ARHGAP10: variants seen among roughly 807,000 people sequenced by gnomAD.
ARHGAP10 encodes Rho GTPase activating protein 10.
Under a neutral mutation model 108.6 loss-of-function variants are expected in ARHGAP10, and 87 were observed. The observed-to-expected ratio is 0.80, with a 90% CI of 0.67 to 0.96. ARHGAP10 has a LOEUF of 0.96. ARHGAP10 is among the 40% of genes least tolerant of loss of function. ARHGAP10 has a pLI of 0.00. For missense variants in ARHGAP10, 939 were observed against 954.5 expected (o/e 0.98, Z 0.21); for synonymous variants, 347 against 341.1 (o/e 1.02, Z -0.19).
At chr4:147,912,835 G>A (rs943478598) in intron 12 of ARHGAP10, among the ~76,000 whole-genome samples, 2 of 151,456 alleles carry the variant, frequency 1.3e-5, no homozygotes, top group Admixed American at 1.3e-4. Context: ...TTCAGTAGAG[G>A]TGGGGCCTCA....
At chr4:147,884,557 C>T (rs1735463243) in intron 10 of ARHGAP10, among the ~76,000 whole-genome samples, 1 of 152,168 alleles carries the variant, frequency 6.6e-6, no homozygotes, top group African/African-American at 2.4e-5. Context: ...AATTTACTTC[C>T]ATTGAGGCTC....
At chr4:147,856,794 C>T (rs1037795851) in intron 4 of ARHGAP10, among the ~76,000 whole-genome samples, 1 of 152,150 alleles carries the variant, frequency 6.6e-6, no homozygotes, top group Admixed American at 6.5e-5. Flanking sequence ...GAAGATCTTT[C>T]CCAAGATGTT....
intron 10 of ARHGAP10, among the ~76,000 whole-genome samples, chr4:147,889,468 T>A (rs945066382): frequency 3.9e-5 from 6 of 151,998 alleles, no homozygotes; most frequent in African/African-American, 1.5e-4. Context: ...CCCGGCTAAT[T>A]TTTGTATTTT....
intron 18 of ARHGAP10, among the ~76,000 whole-genome samples, chr4:148,015,781 G>A (rs1456124645): frequency 6.6e-6 from 1 of 152,206 alleles, no homozygotes; most frequent in Non-Finnish European, 1.5e-5. Flanking sequence ...GCTCAAAGTT[G>A]TATTTGGCCA....
At chr4:148,043,752 A>ATATGTGTATATGTATATATATG (rs1380143837) in intron 19 of ARHGAP10, among the ~76,000 whole-genome samples, 1 of 142,670 alleles carries the variant, frequency 7.0e-6, no homozygotes, top group African/African-American at 2.7e-5. Context: ...ATATGTATAT[A>ATATGTGTATATGTATATATATG]TGTATATATA....
At chr4:147,935,035 A>G (rs1356052482) in intron 13 of ARHGAP10, among the ~76,000 whole-genome samples, 1 of 152,210 alleles carries the variant, frequency 6.6e-6, no homozygotes, top group Non-Finnish European at 1.5e-5. Context: ...ATGAATAAAT[A>G]TATGACAGTT....
At chr4:147,845,426 A>G (rs2126815399) in intron 3 of ARHGAP10, among the ~76,000 whole-genome samples, 1 of 152,332 alleles carries the variant, frequency 6.6e-6, no homozygotes, top group South Asian at 2.1e-4. Flanking sequence ...CTGGCATTGC[A>G]TGCTTAACAG....
intron 18 of ARHGAP10, among the ~76,000 whole-genome samples, chr4:147,970,063 C>T (rs576462208): frequency 3.9e-5 from 6 of 152,060 alleles, no homozygotes; most frequent in South Asian, 2.1e-4. Flanking sequence ...CCCATTACCT[C>T]GCCTTGTCTC....
chr4:147,804,942 AG>A, intron 1 of ARHGAP10, among the ~76,000 whole-genome samples: 1 of 152,168 alleles, frequency 6.6e-6, no homozygotes, highest in Non-Finnish European at 1.5e-5. Context: ...CTCTGTTGAT[AG>A]TTTCTTTTTG....
At chr4:148,049,320 A>G (rs34957409) in intron 20 of ARHGAP10, among the ~76,000 whole-genome samples, 23,645 of 152,098 alleles carry the variant, frequency 0.16, 1,962 homozygotes, top group South Asian at 0.22. Context: ...CTTGATATGG[A>G]AGACCATCCC....
chr4:147,936,537 G>C (rs1267882091), intron 13 of ARHGAP10, among the ~76,000 whole-genome samples: 1 of 151,564 alleles, frequency 6.6e-6, no homozygotes, highest in African/African-American at 2.4e-5. Flanking sequence ...CACCTTGTTA[G>C]CCAGGATGGT....
At chr4:147,923,463 AT>A (rs1289259463) in intron 13 of ARHGAP10, among the ~76,000 whole-genome samples, 3 of 152,248 alleles carry the variant, frequency 2.0e-5, no homozygotes, top group Non-Finnish European at 4.4e-5. Context: ...TTAAAACTAA[AT>A]TTGGATGCCA....
rs371005513 is a variant in ARHGAP10 at position 147,965,127 on chromosome 4, A to G, written c.1554A>G (p.Thr518=). The G allele has an allele frequency of 7.5e-6, 12 of 1,595,718 alleles. No individual in the cohort carries two copies. The highest frequency in any genetic ancestry group is 9.4e-6 in the Non-Finnish European group (11 of 1,169,778). Residue 518 remains threonine (T), a splice_region_variant and synonymous_variant, in exon 17 of 23, where the codon ACA becomes ACG. Coordinates refer to ENST00000336498, the MANE Select transcript of ARHGAP10 (RefSeq NM_024605.4). ...EMLDILVKHL[T]NVSNHSKQNL... is the part of the protein sequence containing the mutation. ...TGGATATTTTGGTGAAACACTTAAC[A>G]AAGTAAGCCTCTTTTTCTTCGTTTT...
intron 8 of ARHGAP10, 63 bp downstream of exon 8, chr4:147,875,213 C>T: frequency 1.4e-6 from 2 of 1,462,772 alleles, no homozygotes; most frequent in East Asian, 2.5e-5. Context: ...GAAAACTCTG[C>T]TATTCTTGCC....
rs978513102 is a variant in ARHGAP10, at chr4:147,743,159, G to A, written c.154+10704G>A. On this transcript the variant is annotated intron_variant, in intron 1 of 22. Transcript: ENST00000336498. ...AGCGATTCTCCTGCCTCAACCTCCC[G>A]AGTAGCTGGGATTACAGGCGTGCAC... is the stretch of plus-strand genomic sequence containing the variant. Among the ~76,000 whole-genome samples the A allele has an allele frequency of 4.0e-5, 6 of 151,176 alleles. No homozygotes were observed. The South Asian group carries it at 6.3e-4, about 16-fold the overall frequency.
At chr4:147,855,221 A>G (rs13434396) in intron 4 of ARHGAP10, among the ~76,000 whole-genome samples, 19,660 of 152,198 alleles carry the variant, frequency 0.13, 1,347 homozygotes, top group African/African-American at 0.19. Context: ...TGACCTTGCT[A>G]CAGAGTCACA....
intron 3 of ARHGAP10, among the ~76,000 whole-genome samples, chr4:147,826,310 C>T (rs1421953437): frequency 6.6e-6 from 1 of 152,200 alleles, no homozygotes; most frequent in Non-Finnish European, 1.5e-5. Context: ...TGTTAGCCAA[C>T]TGGCTGGTTT....
chr4:147,833,856 A>C (rs1209730503), intron 3 of ARHGAP10, among the ~76,000 whole-genome samples: 1 of 152,164 alleles, frequency 6.6e-6, no homozygotes, highest in East Asian at 1.9e-4. Context: ...AGAAAATGCC[A>C]ATGTAGTGGG....
chr4:147,858,674 A>T (rs937852312), intron 5 of ARHGAP10, among the ~76,000 whole-genome samples: 1 of 152,062 alleles, frequency 6.6e-6, no homozygotes, highest in Non-Finnish European at 1.5e-5. Flanking sequence ...GTTGCATATT[A>T]TTGTGTGCTC....
Sources: allele counts gnomAD v4.1 joint callset (sites outside exome capture counted in the v4.1 genomes callset), GRCh38; gene constraint gnomAD v4.1.1; transcripts MANE v1.5; gene names NCBI Gene and HGNC (gene_info 2026-07-23, HGNC 2026-07-21).